Variants in CDK8 observed in about 807,000 individuals in gnomAD.
CDK8 encodes cyclin dependent kinase 8.
CDK8 carries 29 observed loss-of-function variants against 71.5 expected under a neutral mutation model. That is an observed-to-expected ratio of 0.41 (90% CI 0.30 to 0.55). The LOEUF (loss-of-function observed/expected upper bound fraction) is 0.55. Ranked by LOEUF, CDK8 falls within the 20% of genes least tolerant of loss-of-function variation. CDK8 has a pLI of 0.37. For synonymous variants in CDK8, 161 were observed against 192.1 expected, an observed-to-expected ratio of 0.84 and a Z score of 1.34; for missense variants, 288 against 572.6, an observed-to-expected ratio of 0.50 and a Z score of 5.07.
chr13:26,261,403 C>A (rs574319026), intron 1 of CDK8, among the ~76,000 whole-genome samples: 1 of 152,330 alleles, frequency 6.6e-6, no homozygotes, highest in East Asian at 1.9e-4. Flanking sequence ...ACCACCATCA[C>A]TGTCTAATCC....
At chr13:26,309,961 G>A (rs1874212368) in intron 1 of CDK8, among the ~76,000 whole-genome samples, 3 of 151,974 alleles carry the variant, frequency 2.0e-5, no homozygotes, top group African/African-American at 7.2e-5. Flanking sequence ...TCACCATGTT[G>A]GCCAGGCTGG....
chr13:26,300,122 A>C (rs1873759287), intron 1 of CDK8, among the ~76,000 whole-genome samples: 1 of 152,120 alleles, frequency 6.6e-6, no homozygotes, highest in Non-Finnish European at 1.5e-5. Flanking sequence ...AACGGTGTGT[A>C]ATCTGCCCAG....
rs550372153 is a variant in CDK8 at position 26,300,533 on chromosome 13, A to G, written c.129-37034A>G. On this transcript the variant is annotated intron_variant, in intron 1 of 12. Coordinates refer to ENST00000381527, the MANE Select transcript of CDK8 (RefSeq NM_001260.3). Reference sequence around the variant, plus strand: ...AAGCCAACCATGGATTGGGCGGGGGATTACTGTATACTTGAATAAGACTAT... The same window carrying G: ...AAGCCAACCATGGATTGGGCGGGGGGTTACTGTATACTTGAATAAGACTAT... 5.3e-5 allele frequency among the ~76,000 whole-genome samples: 8 copies of G among 152,270 alleles called. No individual in the cohort carries two copies. In the South Asian group the frequency reaches 1.7e-3, roughly 32 times the overall value.
intron 1 of CDK8, among the ~76,000 whole-genome samples, chr13:26,291,542 A>T (rs150478239): frequency 3.9e-5 from 6 of 152,288 alleles, no homozygotes; most frequent in Non-Finnish European, 8.8e-5. Flanking sequence ...ATTGCACTGT[A>T]AAGTTTACAA....
chr13:26,306,641 T>TC (rs1874056834), intron 1 of CDK8, among the ~76,000 whole-genome samples: 1 of 141,372 alleles, frequency 7.1e-6, no homozygotes, highest in South Asian at 2.2e-4. Context: ...TTTTTTTTTT[T>TC]TCCTTGAGAT....
chr13:26,393,309 CT>C (rs1593310245), intron 6 of CDK8, 57 bp from the exon 7 acceptor site: 1 of 1,177,616 alleles, frequency 8.5e-7, no homozygotes, highest in East Asian at 2.6e-5. Context: ...TTGCACCTTT[CT>C]TTTTCTTTTT....
chr13:26,359,135 G>A (rs1277996688), intron 4 of CDK8: 14 of 176,452 alleles, frequency 7.9e-5, no homozygotes, highest in Non-Finnish European at 1.6e-4. Flanking sequence ...AAAAGGATAA[G>A]TACCATATGA....
chr13:26,388,549 T>C (rs941249997), intron 6 of CDK8, among the ~76,000 whole-genome samples: 1 of 152,246 alleles, frequency 6.6e-6, no homozygotes, highest in Non-Finnish European at 1.5e-5. Flanking sequence ...TGCCTAATCT[T>C]ATTTCCTATT....
At chr13:26,367,593 A>G (rs1484806422) in intron 4 of CDK8, among the ~76,000 whole-genome samples, 1 of 152,228 alleles carries the variant, frequency 6.6e-6, no homozygotes, top group Non-Finnish European at 1.5e-5. Context: ...ACTGGCACAT[A>G]ATAAATGTTC....
In CDK8 at chr13:26,282,638, C is replaced by T. The variant is rs192104111; in HGVS notation, c.128+27869C>T. Among the ~76,000 whole-genome samples the T allele has an allele frequency of 3.9e-5, 6 of 152,264 alleles. No individual in the cohort carries two copies. The East Asian group carries it at 1.2e-3, about 29-fold the overall frequency. ...CTCAAAGCGTAAATCTGATGACCTA[C>T]ACAACAGTAACACAATGGAAGCAAA... On this transcript the variant is annotated intron_variant, in intron 1 of 12. Transcript: ENST00000381527.
At chr13:26,257,634 C>T (rs968675971) in intron 1 of CDK8, among the ~76,000 whole-genome samples, 6 of 152,180 alleles carry the variant, frequency 3.9e-5, no homozygotes, top group African/African-American at 1.4e-4. Context: ...ATTGTATCTC[C>T]TCTTTGCAGA....
chr13:26,383,366 T>C (rs1875323701), intron 5 of CDK8, among the ~76,000 whole-genome samples: 1 of 152,252 alleles, frequency 6.6e-6, no homozygotes, highest in African/African-American at 2.4e-5. Context: ...TGTCTCGTAG[T>C]AGGCCTTTCC....
At chr13:26,375,884 G>C (rs1874922451) in intron 4 of CDK8, among the ~76,000 whole-genome samples, 1 of 152,120 alleles carries the variant, frequency 6.6e-6, no homozygotes, top group African/African-American at 2.4e-5. Context: ...TTATCCCAAG[G>C]AAATTATATG....
intron 3 of CDK8, among the ~76,000 whole-genome samples, chr13:26,350,317 T>A (rs1252436583): frequency 6.6e-6 from 1 of 152,180 alleles, no homozygotes; most frequent in Non-Finnish European, 1.5e-5. Flanking sequence ...GGACTTTTAG[T>A]TCTTTGTTTT....
At chr13:26,386,226 A>C (rs1337994612) in intron 6 of CDK8, among the ~76,000 whole-genome samples, 1 of 152,218 alleles carries the variant, frequency 6.6e-6, no homozygotes, top group Admixed American at 6.5e-5. Context: ...TTTGCTAACC[A>C]TAGTTCCCAC....
intron 4 of CDK8, among the ~76,000 whole-genome samples, chr13:26,365,078 G>A (rs1049356110): frequency 6.6e-6 from 1 of 152,054 alleles, no homozygotes; most frequent in Non-Finnish European, 1.5e-5. Flanking sequence ...GATTTGCTTC[G>A]TTTGTTGGGA....
intron 3 of CDK8, 70 bp downstream of exon 3, chr13:26,349,252 T>C: frequency 2.4e-6 from 2 of 826,634 alleles, no homozygotes; most frequent in East Asian, 5.0e-5. Context: ...AACAGTTAGG[T>C]GTTCTGCTTA....
In CDK8 at chr13:26,361,810, T is replaced by C. The variant is rs1341589647; in HGVS notation, c.456+7930T>C. Among the ~76,000 whole-genome samples the C allele has an allele frequency of 1.1e-3, 153 of 134,850 alleles. 1 individual carries two copies. The highest frequency in any genetic ancestry group is 4.6e-3 in the African/African-American group (144 of 31,274). The allele number at this position is 134,850 out of a possible 152,430, so 88.5% of individuals were successfully genotyped here. A position where few individuals can be genotyped will look rare whatever the true frequency, so the allele number is the denominator to read the frequency against. On this transcript the variant is annotated intron_variant, in intron 4 of 12. Coordinates refer to ENST00000381527, the MANE Select transcript of CDK8 (RefSeq NM_001260.3). ...TTTTTTTTTTTTTTTTTTTTTTTTT[T>C]TTTGAGACAGGGTGTCACTGTGTTG...
chr13:26,375,841 A>G (rs915621648), intron 4 of CDK8, among the ~76,000 whole-genome samples: 16 of 152,236 alleles, frequency 1.1e-4, no homozygotes. Context: ...ATCTGTTAGC[A>G]TGATTTGATC....
Sources: allele counts gnomAD v4.1 joint callset (sites outside exome capture counted in the v4.1 genomes callset), GRCh38; gene constraint gnomAD v4.1.1; transcripts MANE v1.5; gene names NCBI Gene and HGNC (gene_info 2026-07-23, HGNC 2026-07-21).